Variants in PLEKHA8 observed in about 807,000 individuals in gnomAD.
The protein encoded by PLEKHA8 is pleckstrin homology domain-containing family A member 8.
A neutral mutation model predicts 68.2 loss-of-function variants in PLEKHA8; 36 were observed. That is an observed-to-expected ratio of 0.53 (90% CI 0.40 to 0.70). The LOEUF (loss-of-function observed/expected upper bound fraction) is 0.70. PLEKHA8 is among the 30% of genes least tolerant of loss of function. The probability of loss-of-function intolerance (pLI) is 0.00; values close to 1 mark genes in which losing one functional copy is unlikely to be tolerated. For synonymous variants in PLEKHA8, 211 were observed against 216.1 expected (o/e 0.98, Z 0.20); for missense variants, 505 against 615.4 (o/e 0.82, Z 1.90).
Position 30,079,604 on chromosome 7 carries a change from T to A in PLEKHA8, c.*817T>A. 3.9e-6 allele frequency: 3 copies of A among 776,732 alleles called. No individual in the cohort carries two copies. The highest frequency in any genetic ancestry group is 6.6e-4 in the Middle Eastern group (1 of 1,512). The allele number at this position is 776,732 out of a possible 1,614,324, so 48.1% of individuals were successfully genotyped here. ...TATTACTCCACTTCAAAAGCAAGGT[T>A]TAGAAGTTGAGGGATCTGTTCACAG... On this transcript the variant is annotated 3_prime_UTR_variant, in exon 14 of 14. Coordinates refer to ENST00000449726, the MANE Select transcript of PLEKHA8 (RefSeq NM_001197026.2).
Position 30,082,226 on chromosome 7 carries a change from G to T in PLEKHA8, c.*3439G>T. 1 of 985,402 alleles carries T rather than the reference G, an allele frequency of 1.0e-6. No individual in the cohort carries two copies. The highest frequency in any genetic ancestry group is 1.7e-5 in the African/African-American group (1 of 57,358). The allele number at this position is 985,402 out of a possible 1,614,324, so 61.0% of individuals were successfully genotyped here. A position where few individuals can be genotyped will look rare whatever the true frequency, so the allele number is the denominator to read the frequency against. The stretch of plus-strand genomic sequence containing the variant: ...TTCCCCCAATGTCATATTCCATGAT[G>T]AGGGATTTCTGAACTCCATAGTCCA... On this transcript the variant is annotated 3_prime_UTR_variant, in exon 14 of 14. Transcript: ENST00000449726.
At chr7:30,103,273 T>G (rs980330663) in intron 13 of PLEKHA8, among the ~76,000 whole-genome samples, 1 of 151,414 alleles carries the variant, frequency 6.6e-6, no homozygotes, top group African/African-American at 2.4e-5. Flanking sequence ...TTAAAAAAAT[T>G]AATAATGTAA....
chr7:30,031,491 GAGGAA>G (rs1790660822), intron 1 of PLEKHA8, among the ~76,000 whole-genome samples: 1 of 152,184 alleles, frequency 6.6e-6, no homozygotes, highest in African/African-American at 2.4e-5. Context: ...GTGCGAGTTT[GAGGAA>G]AGGAAAGAGG....
At chr7:30,043,260 G>A (rs142333050) in intron 1 of PLEKHA8, among the ~76,000 whole-genome samples, 2 of 152,264 alleles carry the variant, frequency 1.3e-5, no homozygotes, top group African/African-American at 2.4e-5. Flanking sequence ...GCCTCCCAAA[G>A]TAGTTAATAT....
At chr7:30,049,432 A>G (rs759674362) in intron 5 of PLEKHA8, 50 bp downstream of exon 5, 56 of 1,594,508 alleles carry the variant, frequency 3.5e-5, no homozygotes, top group Non-Finnish European at 4.3e-5. Flanking sequence ...GAAAAGTTTC[A>G]AAGTTTATAG....
chr7:30,083,008 C>T lies in PLEKHA8; in HGVS notation c.*4221C>T. ...TCACAGGTTTTACAAGTATTCAGCT[C>T]TCCCTCATGTTTCATTTCTTTTTTT... On this transcript the variant is annotated 3_prime_UTR_variant, in exon 14 of 14. Transcript: ENST00000449726. The T allele has an allele frequency of 2.3e-6, 2 of 888,474 alleles. No individual in the cohort carries two copies. The highest frequency in any genetic ancestry group is 2.7e-6 in the Non-Finnish European group (2 of 741,928). The allele number at this position is 888,474 out of a possible 1,614,324, so 55.0% of individuals were successfully genotyped here.
chr7:30,043,855 G>A (rs1389384294), intron 1 of PLEKHA8, among the ~76,000 whole-genome samples: 1 of 152,144 alleles, frequency 6.6e-6, no homozygotes, highest in African/African-American at 2.4e-5. Flanking sequence ...GGGCCCATCA[G>A]ATGTCTGTAG....
intron 13 of PLEKHA8, among the ~76,000 whole-genome samples, chr7:30,112,087 AC>A (rs1796291960): frequency 6.6e-6 from 1 of 152,216 alleles, no homozygotes; most frequent in Non-Finnish European, 1.5e-5. Context: ...TTGATATCAG[AC>A]AAAAAAGACT....
intron 13 of PLEKHA8, among the ~76,000 whole-genome samples, chr7:30,100,129 T>C (rs372919109): frequency 2.6e-4 from 40 of 152,300 alleles, no homozygotes; most frequent in African/African-American, 9.4e-4. Context: ...CTCTCTCTCC[T>C]CATAAGGAGA....
intron 1 of PLEKHA8, among the ~76,000 whole-genome samples, chr7:30,039,383 C>T (rs758813774): frequency 6.6e-6 from 1 of 152,008 alleles, no homozygotes; most frequent in Non-Finnish European, 1.5e-5. Context: ...AGTGTGCTGG[C>T]GGGCGCCTGT....
At chr7:30,112,992 C>T (rs1228310619) in intron 13 of PLEKHA8, among the ~76,000 whole-genome samples, 2 of 151,986 alleles carry the variant, frequency 1.3e-5, no homozygotes, top group Admixed American at 6.6e-5. Flanking sequence ...TACAAATAAC[C>T]TTAGAACATT....
intron 12 of PLEKHA8, among the ~76,000 whole-genome samples, chr7:30,063,854 C>CT (rs1025320974): frequency 6.6e-6 from 1 of 152,208 alleles, no homozygotes; most frequent in African/African-American, 2.4e-5. Flanking sequence ...GAGGCCCCTG[C>CT]TTTGAAGGTC....
chr7:30,109,397 G>A (rs1796185258), intron 13 of PLEKHA8, among the ~76,000 whole-genome samples: 1 of 151,870 alleles, frequency 6.6e-6, no homozygotes, highest in South Asian at 2.1e-4. Context: ...GACTAGCCTG[G>A]CCAACATGGT....
downstream of PLEKHA8, among the ~76,000 whole-genome samples, chr7:30,086,000 T>C (rs1399918884): frequency 6.6e-6 from 1 of 152,202 alleles, no homozygotes; most frequent in African/African-American, 2.4e-5. Flanking sequence ...CTGAAGTTCC[T>C]CTTCTTGAGA....
At position 30,035,344 on chromosome 7, in the gene PLEKHA8, A is replaced by T. The variant is rs528415215; in HGVS notation, c.40+6542A>T. On this transcript the variant is annotated intron_variant, in intron 1 of 13. Coordinates refer to ENST00000449726, the MANE Select transcript of PLEKHA8 (RefSeq NM_001197026.2). ...TAGCAGTTTCTGGGTCGTGCCCATT[A>T]GTGTCAGACACTCTGCAGACATGCT... Among the ~76,000 whole-genome samples the T allele has an allele frequency of 2.1e-3, 327 of 152,336 alleles. 1 individual carries two copies. The highest frequency in any genetic ancestry group is 6.8e-3 in the African/African-American group (282 of 41,580).
At chr7:30,072,613 A>G (rs1384135668) in intron 12 of PLEKHA8, among the ~76,000 whole-genome samples, 1 of 152,258 alleles carries the variant, frequency 6.6e-6, no homozygotes, top group African/African-American at 2.4e-5. Context: ...TTCACTGCAT[A>G]GGAACTTGTA....
At chr7:30,074,245 GTT>G in intron 13 of PLEKHA8, 113 bp downstream of exon 13, 2 of 627,476 alleles carry the variant, frequency 3.2e-6, no homozygotes, top group Non-Finnish European at 2.5e-6. Context: ...CAGAAACAAA[GTT>G]GTGTGTGTGT....
chr7:30,118,188 G>A lies in PLEKHA8; in HGVS notation c.1363-11078G>A, dbSNP rs991799698. 8 of 471,348 alleles carry A rather than the reference G, an allele frequency of 1.7e-5. No homozygotes were observed. In the South Asian group the frequency reaches 3.1e-4, roughly 18 times the overall value. 29.2% of individuals were successfully genotyped at this position (471,348 alleles called of 1,614,324 possible). ...CCTGGAGAGAAGGAAGTATGTGAGA[G>A]TATCCTGAGTTAAGTGAGATCTAAA... On this transcript the variant is annotated intron_variant, in intron 13 of 13. Coordinates refer to the PLEKHA8 transcript ENST00000396257.
chr7:30,111,862 T>G (rs564462989), intron 13 of PLEKHA8, among the ~76,000 whole-genome samples: 1 of 152,316 alleles, frequency 6.6e-6, no homozygotes, highest in East Asian at 1.9e-4. Flanking sequence ...AGTATATATA[T>G]TTTTTAAATC....
Sources: allele counts gnomAD v4.1 joint callset (sites outside exome capture counted in the v4.1 genomes callset), GRCh38; gene constraint gnomAD v4.1.1; transcripts MANE v1.5; gene names NCBI Gene and HGNC (gene_info 2026-07-23, HGNC 2026-07-21).